Variants in NDUFAF2 observed in about 807,000 individuals in gnomAD.
The protein encoded by NDUFAF2 is NADH:ubiquinone oxidoreductase complex assembly factor 2, also known as NADH dehydrogenase [ubiquinone] 1 alpha subcomplex assembly factor 2.
In NDUFAF2, 13 loss-of-function variants were observed where a neutral mutation model predicts 22.8. That is an observed-to-expected ratio of 0.57 (90% confidence interval 0.37 to 0.91). The LOEUF is 0.91. NDUFAF2 is among the 40% of genes least tolerant of loss of function. NDUFAF2 has a pLI of 0.01. For synonymous variants in NDUFAF2, 53 were observed against 64.2 expected (o/e 0.83, Z 0.84); for missense variants, 162 against 195.2 (o/e 0.83, Z 1.01).
intron 1 of NDUFAF2, among the ~76,000 whole-genome samples, chr5:61,000,777 G>C (rs1333393137): frequency 6.6e-6 from 1 of 152,040 alleles, no homozygotes; most frequent in Non-Finnish European, 1.5e-5. Context: ...AGAGCACCTG[G>C]TATATGTAGC....
chr5:61,134,861 A>C (rs1201064236), intron 3 of NDUFAF2, among the ~76,000 whole-genome samples: 3 of 152,102 alleles, frequency 2.0e-5, no homozygotes, highest in Non-Finnish European at 4.4e-5. Flanking sequence ...ATCCTTTTTT[A>C]AAATTTTAAA....
chr5:60,988,119 G>A (rs573953465), intron 1 of NDUFAF2, among the ~76,000 whole-genome samples: 1 of 152,194 alleles, frequency 6.6e-6, no homozygotes, highest in East Asian at 1.9e-4. Flanking sequence ...AAAATTAGTA[G>A]CATTTCTTTA....
At chr5:61,100,454 C>T (rs1308257192) in intron 3 of NDUFAF2, among the ~76,000 whole-genome samples, 1 of 151,864 alleles carries the variant, frequency 6.6e-6, no homozygotes, top group Non-Finnish European at 1.5e-5. Context: ...TTTGATTATC[C>T]AAAATGAGCC....
chr5:60,993,840 G>A (rs1357532355), intron 1 of NDUFAF2, among the ~76,000 whole-genome samples: 4 of 152,220 alleles, frequency 2.6e-5, no homozygotes, highest in South Asian at 2.1e-4. Context: ...GGGCCTCAGA[G>A]GGGAGGAAGT....
chr5:61,085,407 GC>G (rs1752493780), intron 2 of NDUFAF2, among the ~76,000 whole-genome samples: 1 of 152,070 alleles, frequency 6.6e-6, no homozygotes, highest in Admixed American at 6.6e-5. Context: ...CTGATAAAGG[GC>G]ATTAAGGGGG....
intron 1 of NDUFAF2, among the ~76,000 whole-genome samples, chr5:60,971,965 C>T (rs1264252875): frequency 2.9e-4 from 38 of 129,868 alleles, no homozygotes; most frequent in Non-Finnish European, 4.3e-4. Flanking sequence ...TTTTCTGAGA[C>T]GGAGTCGTGC....
intron 1 of NDUFAF2, among the ~76,000 whole-genome samples, chr5:60,989,673 C>G (rs1324732274): frequency 6.6e-6 from 1 of 152,188 alleles, no homozygotes; most frequent in African/African-American, 2.4e-5. Flanking sequence ...CATGTGTTCT[C>G]TCTTATGAGT....
intron 1 of NDUFAF2, among the ~76,000 whole-genome samples, chr5:61,016,536 A>C (rs1751513530): frequency 6.6e-6 from 1 of 152,178 alleles, no homozygotes; most frequent in Non-Finnish European, 1.5e-5. Context: ...AGGGAATTTG[A>C]AGCTTTCTTC....
intron 1 of NDUFAF2, among the ~76,000 whole-genome samples, chr5:60,969,552 T>C (rs915387740): frequency 6.6e-6 from 1 of 152,104 alleles, no homozygotes; most frequent in African/African-American, 2.4e-5. Context: ...CATTTTTATA[T>C]TGGATTATCA....
chr5:60,990,474 A>C (rs1173606258), intron 1 of NDUFAF2, among the ~76,000 whole-genome samples: 1 of 152,220 alleles, frequency 6.6e-6, no homozygotes, highest in Non-Finnish European at 1.5e-5. Context: ...ATAAGGTATT[A>C]AATGTAGAAG....
intron 3 of NDUFAF2, among the ~76,000 whole-genome samples, chr5:61,130,110 A>C (rs2111811742): frequency 6.6e-6 from 1 of 152,260 alleles, no homozygotes; most frequent in Non-Finnish European, 1.5e-5. Flanking sequence ...CTTTTAAAAA[A>C]ATGGTTTTAC....
At chr5:60,978,608 G>A (rs1276704565) in intron 1 of NDUFAF2, among the ~76,000 whole-genome samples, 1 of 152,162 alleles carries the variant, frequency 6.6e-6, no homozygotes, top group Non-Finnish European at 1.5e-5. Flanking sequence ...GTTAAACCAT[G>A]AGAAACTGCT....
intron 2 of NDUFAF2, among the ~76,000 whole-genome samples, chr5:61,075,451 C>G (rs1232230193): frequency 1.3e-5 from 2 of 152,098 alleles, no homozygotes; most frequent in Admixed American, 6.5e-5. Context: ...AGCAGACTCT[C>G]CAGTGTTATA....
At chr5:61,108,291 G>C (rs1752793583) in intron 3 of NDUFAF2, among the ~76,000 whole-genome samples, 1 of 148,926 alleles carries the variant, frequency 6.7e-6, no homozygotes, top group Non-Finnish European at 1.5e-5. Flanking sequence ...CTTCCACAAT[G>C]GTTGAACTAG....
chr5:60,979,286 A>T (rs1425988436), intron 1 of NDUFAF2, among the ~76,000 whole-genome samples: 1 of 151,814 alleles, frequency 6.6e-6, no homozygotes, highest in Non-Finnish European at 1.5e-5. Context: ...GAGAGAGGAG[A>T]CTAAGGGGAT....
At chr5:61,050,767 A>G (rs1752015229) in intron 1 of NDUFAF2, among the ~76,000 whole-genome samples, 1 of 152,176 alleles carries the variant, frequency 6.6e-6, no homozygotes, top group South Asian at 2.1e-4. Context: ...ACAATAAGAA[A>G]TATCTTCATT....
chr5:60,982,798 A>C (rs1169865482), intron 1 of NDUFAF2, among the ~76,000 whole-genome samples: 1 of 151,992 alleles, frequency 6.6e-6, no homozygotes, highest in East Asian at 1.9e-4. Context: ...CCAGTCTATC[A>C]TTGTTGGACA....
At chr5:61,102,298 T>C (rs997158862) in intron 3 of NDUFAF2, among the ~76,000 whole-genome samples, 9 of 152,276 alleles carry the variant, frequency 5.9e-5, no homozygotes, top group South Asian at 2.1e-4. Flanking sequence ...ACTATAGTTA[T>C]CTAGACAGTA....
chr5:60,973,624 A>G (rs370647032), intron 1 of NDUFAF2, among the ~76,000 whole-genome samples: 23 of 152,270 alleles, frequency 1.5e-4, no homozygotes, highest in Middle Eastern at 6.8e-3. Flanking sequence ...TAAGTTATGC[A>G]GTAGTTTTGT....
Sources: gnomAD v4.1 joint callset for allele counts (sites outside exome capture counted in the v4.1 genomes callset) on GRCh38, gnomAD v4.1.1 for gene constraint, MANE v1.5 for transcripts, NCBI Gene and HGNC (gene_info 2026-07-23, HGNC 2026-07-21) for gene names.